The following DCC variants were observed in gnomAD, a reference collection of about 807,000 sequenced individuals.
The protein encoded by DCC is netrin receptor DCC.
A neutral mutation model predicts 172.5 loss-of-function variants in DCC; 58 were observed. The ratio of observed to expected loss-of-function variants is 0.34; its 90% CI spans 0.27 to 0.42. The LOEUF is 0.42. DCC is among the 10% of genes least tolerant of loss of function. DCC has a pLI of 1.00. For synonymous variants in DCC, 709 were observed against 644.5 expected (o/e 1.10, Z -1.52); for missense variants, 1,740 against 1,791.0 (o/e 0.97, Z 0.51).
In DCC at chr18:52,991,392, A is replaced by G. The variant is rs956144210; in HGVS notation, c.985+66022A>G. Reference sequence around the variant, plus strand: ...GGACAGAGAATAGATATTACCACACACTTATTGGCAGATTGAAGGGCGTAT... The same window carrying G: ...GGACAGAGAATAGATATTACCACACGCTTATTGGCAGATTGAAGGGCGTAT... On this transcript the variant is annotated intron_variant, in intron 5 of 28. Coordinates refer to ENST00000442544, the MANE Select transcript of DCC (RefSeq NM_005215.4). Among the ~76,000 whole-genome samples, 4 of 152,198 alleles carry G rather than the reference A, an allele frequency of 2.6e-5. No individual in the cohort carries two copies. In the South Asian group the frequency reaches 8.3e-4, roughly 31 times the overall value.
chr18:52,923,574 T>G, intron 3 of DCC, 133 bp from the exon 4 acceptor site: 1 of 734,108 alleles, frequency 1.4e-6, no homozygotes, highest in Non-Finnish European at 2.4e-6. Flanking sequence ...AAAAACTATT[T>G]TAGGAGTTTA....
At chr18:52,504,775 C>G (rs1206875251) in intron 1 of DCC, among the ~76,000 whole-genome samples, 1 of 152,044 alleles carries the variant, frequency 6.6e-6, no homozygotes, top group African/African-American at 2.4e-5. Context: ...CGCCCCTCCC[C>G]CCGGCCACCT....
chr18:52,359,331 C>T (rs1021039639), intron 1 of DCC, among the ~76,000 whole-genome samples: 2 of 152,148 alleles, frequency 1.3e-5, no homozygotes, highest in African/African-American at 4.8e-5. Flanking sequence ...GTACATATTG[C>T]TTAAGAAATA....
At chr18:52,787,871 C>T (rs1363405760) in intron 2 of DCC, among the ~76,000 whole-genome samples, 11 of 152,034 alleles carry the variant, frequency 7.2e-5, no homozygotes, top group Non-Finnish European at 1.5e-4. Flanking sequence ...CTGTTAAAAG[C>T]CAAATTTTTA....
intron 5 of DCC, among the ~76,000 whole-genome samples, chr18:53,037,088 G>A (rs560932496): frequency 5.3e-5 from 8 of 151,988 alleles, no homozygotes; most frequent in Admixed American, 2.6e-4. Flanking sequence ...AAACCATTAC[G>A]GGGACATCAG....
At chr18:52,872,060 C>G (rs1022950451) in intron 2 of DCC, among the ~76,000 whole-genome samples, 5 of 152,096 alleles carry the variant, frequency 3.3e-5, no homozygotes, top group Non-Finnish European at 5.9e-5. Flanking sequence ...TCTGAAGTTT[C>G]ACTGAAAAAT....
chr18:53,100,275 C>T (rs1420295901), intron 7 of DCC, among the ~76,000 whole-genome samples: 1 of 151,948 alleles, frequency 6.6e-6, no homozygotes, highest in African/African-American at 2.4e-5. Flanking sequence ...TTCCCTTATA[C>T]CCTTAGCATG....
In DCC at chr18:53,208,105, G is replaced by GTT. The variant is rs141875005; in HGVS notation, c.1861+305_1861+306dup. Among the ~76,000 whole-genome samples, 268 of 127,114 alleles carry GTT rather than the reference G, an allele frequency of 2.1e-3. 1 individual carries two copies. Among genetic ancestry groups the GTT allele is most frequent in the African/African-American group, 3.8e-3 (132 of 34,982 alleles). 83.4% of individuals were successfully genotyped at this position (127,114 alleles called of 152,430 possible). ...ATAGTGAGACCCTATCTCTGTAAATGTTTTTTTTTTTTTTTTTTAATTAAC... is the reference window on the plus strand; with the variant it reads ...ATAGTGAGACCCTATCTCTGTAAATGTTTTTTTTTTTTTTTTTTTTAATTAAC... On this transcript the variant is annotated intron_variant, in intron 11 of 28. Transcript: ENST00000442544.
At chr18:53,151,456 G>A (rs2043994524) in intron 7 of DCC, among the ~76,000 whole-genome samples, 2 of 152,100 alleles carry the variant, frequency 1.3e-5, no homozygotes, top group Non-Finnish European at 2.9e-5. Context: ...GTAACAGTAG[G>A]AACATGATAG....
At chr18:52,885,667 G>T (rs1369520987) in intron 2 of DCC, among the ~76,000 whole-genome samples, 1 of 152,000 alleles carries the variant, frequency 6.6e-6, no homozygotes. Context: ...GGCCAAAGCT[G>T]GTACCTAAAG....
intron 12 of DCC, among the ~76,000 whole-genome samples, chr18:53,240,805 G>A (rs71368918): frequency 0.018 from 2,727 of 152,138 alleles, 52 homozygotes; most frequent in East Asian, 0.12. Flanking sequence ...TCACAAACTG[G>A]CTTGTCAGAT....
At chr18:53,512,139 A>C (rs952969269) in intron 27 of DCC, among the ~76,000 whole-genome samples, 1 of 152,050 alleles carries the variant, frequency 6.6e-6, no homozygotes, top group African/African-American at 2.4e-5. Flanking sequence ...TGCCTCCTCA[A>C]GTGGATCCCT....
intron 15 of DCC, among the ~76,000 whole-genome samples, chr18:53,382,104 A>ACACACACACC (rs770734401): frequency 2.6e-4 from 14 of 52,950 alleles, no homozygotes; most frequent in South Asian, 5.2e-4. Flanking sequence ...ACACACACAC[A>ACACACACACC]CCCCTACCTC....
intron 1 of DCC, among the ~76,000 whole-genome samples, chr18:52,694,359 TA>T (rs1486457440): frequency 6.6e-6 from 1 of 151,984 alleles, no homozygotes; most frequent in Non-Finnish European, 1.5e-5. Context: ...GACATTAGTG[TA>T]AAAAACTGGT....
At chr18:53,403,858 AAAGAT>A (rs1909475849) in intron 19 of DCC, among the ~76,000 whole-genome samples, 2 of 152,214 alleles carry the variant, frequency 1.3e-5, no homozygotes, top group South Asian at 4.1e-4. Context: ...TGCAAAATGA[AAAGAT>A]AACGTGAAAA....
chr18:52,463,660 G>A (rs1388793959), intron 1 of DCC, among the ~76,000 whole-genome samples: 1 of 152,122 alleles, frequency 6.6e-6, no homozygotes, highest in Non-Finnish European at 1.5e-5. Context: ...GGTCTTAGGT[G>A]GAGGTAACTG....
chr18:52,842,697 T>G (rs1055073515), intron 2 of DCC, among the ~76,000 whole-genome samples: 13 of 152,316 alleles, frequency 8.5e-5, no homozygotes, highest in Admixed American at 2.6e-4. Flanking sequence ...TCCAGGACTT[T>G]GTGTTCTAAC....
intron 7 of DCC, among the ~76,000 whole-genome samples, chr18:53,095,061 A>C (rs2144195390): frequency 6.6e-6 from 1 of 152,392 alleles, no homozygotes; most frequent in South Asian, 2.1e-4. Flanking sequence ...TGGCAACAGA[A>C]GTCAACAAAG....
intron 13 of DCC, among the ~76,000 whole-genome samples, chr18:53,321,081 A>T (rs143073108): frequency 1.5e-4 from 23 of 152,320 alleles, no homozygotes; most frequent in African/African-American, 5.3e-4. Context: ...ACTACTAAGT[A>T]TTCATCTTCC....
Sources: gnomAD v4.1 joint callset for allele counts (sites outside exome capture counted in the v4.1 genomes callset) on GRCh38, gnomAD v4.1.1 for gene constraint, MANE v1.5 for transcripts, NCBI Gene and HGNC (gene_info 2026-07-23, HGNC 2026-07-21) for gene names.